Variants in ASB9 observed in about 807,000 individuals in gnomAD.
The protein encoded by ASB9 is ankyrin repeat and SOCS box protein 9.
In ASB9, 5 loss-of-function variants were observed where a neutral mutation model predicts 16.6. The ratio of observed to expected loss-of-function variants is 0.30; its 90% CI spans 0.16 to 0.63. The LOEUF is 0.63. ASB9 is among the 30% of genes least tolerant of loss of function. ASB9 has a pLI of 0.82. For synonymous variants in ASB9, 100 were observed against 86.4 expected (o/e 1.16, Z -0.87); for missense variants, 216 against 229.4 (o/e 0.94, Z 0.38).
rs146745702 is a variant in ASB9 at position 15,248,832 on chromosome X, G to A, written c.672C>T (p.Asp224=). The change falls in exon 6 of 7, where the codon GAC becomes GAT. Residue 224 remains aspartate, a synonymous_variant. Coordinates refer to ENST00000380488, the MANE Select transcript of ASB9 (RefSeq NM_001031739.3). ...LACLLMDFGA[D]TQAKNAEGKR... ...TGCCTTCAGCATTCTTGGCCTGGGT[G>A]TCCGCTCCAAAATCCATGAGCAGGC... The A allele has an allele frequency of 7.3e-4, 888 of 1,210,199 alleles. 4 individuals are homozygous for A. In the African/African-American group the frequency reaches 1.0e-2, roughly 14 times the overall value.
intron 1 of ASB9, among the ~76,000 whole-genome samples, chrX:15,262,964 T>C (rs758552190): frequency 3.6e-5 from 4 of 112,407 alleles, no homozygotes; most frequent in Non-Finnish European, 7.5e-5. Context: ...TCAGAGAGCA[T>C]AGATTGTGTG....
chrX:15,269,091 G>C (rs1926782828), intron 1 of ASB9, among the ~76,000 whole-genome samples: 1 of 111,679 alleles, frequency 9.0e-6, no homozygotes, highest in African/African-American at 3.3e-5. Flanking sequence ...CGTGACATCA[G>C]CAAGTTTGCA....
intron 1 of ASB9, among the ~76,000 whole-genome samples, chrX:15,265,761 T>G (rs1192766825): frequency 9.2e-6 from 1 of 109,166 alleles, no homozygotes; most frequent in Non-Finnish European, 1.9e-5. Context: ...CTCGGCCTCC[T>G]AAGTAGCTGG....
At chrX:15,250,868 C>G (rs958020316) in intron 4 of ASB9, among the ~76,000 whole-genome samples, 2 of 111,503 alleles carry the variant, frequency 1.8e-5, no homozygotes, top group Non-Finnish European at 3.8e-5. Context: ...CTACAGGCGC[C>G]CGCCACCACA....
At chrX:15,256,816 T>G (rs939493284) in intron 2 of ASB9, among the ~76,000 whole-genome samples, 10 of 106,964 alleles carry the variant, frequency 9.3e-5, no homozygotes. Flanking sequence ...ATGTGCCAAC[T>G]TTTGTCGTGA....
In ASB9 at chrX:15,244,466, A is replaced by G; in HGVS notation, c.*40T>C. 1 of 1,165,275 alleles carries G rather than the reference A, an allele frequency of 8.6e-7. No homozygotes were observed. The highest frequency in any genetic ancestry group is 1.2e-6 in the Non-Finnish European group (1 of 855,050). On this transcript the variant is annotated 3_prime_UTR_variant, in exon 7 of 7. Transcript: ENST00000380488. ...ATTCTAGTGGCTACAACACTCAATA[A>G]TGTTTTCACATCGTTTGTGAATCCA...
chrX:15,262,701 G>A (rs1926070492), intron 1 of ASB9, among the ~76,000 whole-genome samples: 1 of 112,597 alleles, frequency 8.9e-6, no homozygotes, highest in South Asian at 3.6e-4. Context: ...GGGCAATCTT[G>A]GCTCACTGCA....
intron 1 of ASB9, among the ~76,000 whole-genome samples, chrX:15,266,044 C>A (rs1378278551): frequency 9.1e-6 from 1 of 110,021 alleles, no homozygotes; most frequent in African/African-American, 3.3e-5. Flanking sequence ...CTCAGGTGAT[C>A]CGCCTGCCTC....
chrX:15,247,041 G>C (rs1924728109), intron 6 of ASB9, among the ~76,000 whole-genome samples: 1 of 111,710 alleles, frequency 9.0e-6, no homozygotes, highest in African/African-American at 3.3e-5. Flanking sequence ...CCATACCATT[G>C]AAAGAGGACA....
chrX:15,261,094 T>C (rs1925935361), intron 1 of ASB9, among the ~76,000 whole-genome samples: 1 of 111,667 alleles, frequency 9.0e-6, no homozygotes, highest in Non-Finnish European at 1.9e-5. Flanking sequence ...CACGGCATTC[T>C]CTGAGGCTCC....
At position 15,251,637 on chromosome X, in the gene ASB9, C is replaced by T. The variant is rs751013824; in HGVS notation, c.433+617G>A. On this transcript the variant is annotated intron_variant, in intron 4 of 6. Transcript: ENST00000380488. ...GCCCTCTGGCAAGGTATGGTCATTA[C>T]GATGATGCTAAATATTGGAGAAAAT... Among the ~76,000 whole-genome samples the T allele has an allele frequency of 6.3e-5, 7 of 111,721 alleles. No homozygotes were observed. The East Asian group carries it at 1.4e-3, about 22-fold the overall frequency.
At chrX:15,267,417 A>ATATATATATATAT (rs1555934601) in intron 1 of ASB9, among the ~76,000 whole-genome samples, 3 of 78,027 alleles carry the variant, frequency 3.8e-5, no homozygotes, top group African/African-American at 1.5e-4. Context: ...CTAAAAAAAA[A>ATATATATATATAT]ATATATATAT....
Position 15,250,359 on chromosome X carries a change from G to C in ASB9, c.568+71C>G, listed in dbSNP as rs190210891. The C allele has an allele frequency of 9.7e-5, 108 of 1,114,402 alleles. 1 individual carries two copies. The African/African-American group carries it at 1.7e-3, about 18-fold the overall frequency. 91.8% of individuals were successfully genotyped at this position (1,114,402 alleles called of 1,213,427 possible). ...CCACACTAATTTCTCTCCTACAGCA[G>C]TAAGATGTTTAAAATACATTTAATT... is the stretch of plus-strand genomic sequence containing the variant. On this transcript the variant is annotated intron_variant, in intron 5 of 6. Transcript: ENST00000380488.
chrX:15,263,944 A>G (rs984695372), intron 1 of ASB9, among the ~76,000 whole-genome samples: 6 of 111,281 alleles, frequency 5.4e-5, no homozygotes, highest in Non-Finnish European at 1.1e-4. Context: ...CCTTCAATGT[A>G]TTTTCCTAAG....
chrX:15,255,556 T>C (rs1304762079), intron 2 of ASB9, among the ~76,000 whole-genome samples: 1 of 111,599 alleles, frequency 9.0e-6, no homozygotes, highest in Non-Finnish European at 1.9e-5. Context: ...TATTTTTCCA[T>C]TTCCTGACCT....
rs184732831 is a variant in ASB9, at chrX:15,254,686, A to G, written c.282+51T>C. 6 of 970,580 alleles carry G rather than the reference A, an allele frequency of 6.2e-6. No individual in the cohort carries two copies. In the Admixed American group the frequency reaches 1.1e-4, roughly 18 times the overall value. The allele number at this position is 970,580 out of a possible 1,213,427, so 80.0% of individuals were successfully genotyped here. ...TGGAAGTTATTCAGAAGGGATATAC[A>G]TAGTCATTTTTCATTCTTGGTTTCT... On this transcript the variant is annotated intron_variant, in intron 3 of 6. Coordinates refer to ENST00000380488, the MANE Select transcript of ASB9 (RefSeq NM_001031739.3).
At position 15,244,371 on chromosome X, in the gene ASB9, C is replaced by G. The variant is rs1272304718; in HGVS notation, c.*135G>C. On this transcript the variant is annotated 3_prime_UTR_variant, in exon 7 of 7. Transcript: ENST00000380488. ...GAAAAAATTAGTCAAACTCCATAAA[C>G]AAGTTTATAACAAATACAAATCTAA... The G allele has an allele frequency of 1.1e-5, 9 of 788,759 alleles. No individual in the cohort carries two copies. The highest frequency in any genetic ancestry group is 1.6e-5 in the Non-Finnish European group (9 of 559,897). The allele number at this position is 788,759 out of a possible 1,213,427, so 65.0% of individuals were successfully genotyped here.
intron 1 of ASB9, among the ~76,000 whole-genome samples, chrX:15,265,524 T>A (rs1602162324): frequency 8.9e-6 from 1 of 112,331 alleles, no homozygotes; most frequent in South Asian, 3.7e-4. Context: ...AGTGCAGTAG[T>A]TTTCAAAGTA....
chrX:15,267,242 C>CG (rs1926519042), intron 1 of ASB9, among the ~76,000 whole-genome samples: 1 of 84,427 alleles, frequency 1.2e-5, no homozygotes, highest in Non-Finnish European at 2.3e-5. Flanking sequence ...TACTAAAATA[C>CG]AAAAAAAAAA....
Sources: gnomAD v4.1 joint callset for allele counts (sites outside exome capture counted in the v4.1 genomes callset) on GRCh38, gnomAD v4.1.1 for gene constraint, MANE v1.5 for transcripts, NCBI Gene and HGNC (gene_info 2026-07-23, HGNC 2026-07-21) for gene names.